The following ZFP3 variants were observed in gnomAD, a reference collection of about 807,000 sequenced individuals.
ZFP3 encodes the protein zinc finger protein 3 homolog.
ZFP3 carries 18 observed loss-of-function variants against 36.7 expected under a neutral mutation model. The ratio of observed to expected loss-of-function variants is 0.49; its 90% CI spans 0.34 to 0.73. ZFP3 has a LOEUF of 0.73. Among genes scored for constraint, ZFP3 ranks in the 30% least tolerant of loss-of-function variants. The pLI is 0.01. For missense variants in ZFP3, 495 were observed against 599.0 expected (o/e 0.83, Z 1.81); for synonymous variants, 218 against 199.0 (o/e 1.10, Z -0.81).
In ZFP3 at chr17:5,092,459, G is replaced by A. The variant is rs145561376; in HGVS notation, c.955G>A (p.Gly319Arg). The A allele has an allele frequency of 1.1e-4, 180 of 1,613,868 alleles. No individual in the cohort carries two copies. The highest frequency in any genetic ancestry group is 3.1e-4 in the African/African-American group (23 of 74,868). ...YLCNECGKGF[G>R]QSSELIRHQR... ...GTGTAATGAATGTGGGAAGGGCTTCGGGCAGAGTTCTGAGCTTATCCGGCA... is the reference window on the plus strand; with the variant it reads ...GTGTAATGAATGTGGGAAGGGCTTCAGGCAGAGTTCTGAGCTTATCCGGCA... Residue 319 changes from glycine to arginine, a missense_variant, in exon 2 of 2, where the codon GGG becomes AGG. This residue lies in a region of ZFP3 where 103 missense variants were observed against 186.8 expected (regional missense o/e 0.55). Transcript: ENST00000318833. This position sits in a 1 kb window ranked among gnomAD's most constrained non-coding sequence, Gnocchi z 5.0.
chr17:5,086,026 T>C (rs1334899098), intron 1 of ZFP3, among the ~76,000 whole-genome samples: 3 of 152,250 alleles, frequency 2.0e-5, no homozygotes, highest in Non-Finnish European at 1.5e-5. Flanking sequence ...CAATGGATTC[T>C]TACAATTGTA....
intron 1 of ZFP3, among the ~76,000 whole-genome samples, chr17:5,087,077 A>ATTTTTTTTT (rs35379036): frequency 3.9e-5 from 4 of 101,568 alleles, no homozygotes; most frequent in African/African-American, 7.8e-5. Context: ...ACTGCATTTG[A>ATTTTTTTTT]TTTTTTTTTT....
rs1004687637 is a variant in ZFP3, at chr17:5,078,929, G to A, written c.-9+354G>A. On this transcript the variant is annotated intron_variant, in intron 1 of 1. Coordinates refer to ENST00000318833, the MANE Select transcript of ZFP3 (RefSeq NM_153018.3). The surrounding 1 kb of genome is among the most constrained non-coding windows in gnomAD (Gnocchi z 4.5). ...AAGTAAACCGCTAGGACGAAATGGC[G>A]GGCAGTGTCACAAACTTAACGCCCT... is the stretch of plus-strand genomic sequence containing the variant. Among the ~76,000 whole-genome samples the A allele has an allele frequency of 1.3e-5, 2 of 152,158 alleles. No individual in the cohort carries two copies. The highest frequency in any genetic ancestry group is 2.9e-5 in the Non-Finnish European group (2 of 68,038).
chr17:5,081,886 C>A (rs1214021289), intron 1 of ZFP3, among the ~76,000 whole-genome samples: 3 of 142,926 alleles, frequency 2.1e-5, no homozygotes, highest in African/African-American at 5.0e-5. Context: ...CAGGCGTGAG[C>A]CACCACGCCT....
chr17:5,082,392 C>T (rs2072098606), intron 1 of ZFP3, among the ~76,000 whole-genome samples: 1 of 152,094 alleles, frequency 6.6e-6, no homozygotes, highest in Non-Finnish European at 1.5e-5. Context: ...ACCACTCACG[C>T]ATCTCCTTAA....
In ZFP3 at chr17:5,093,433, C is replaced by T. The variant is rs2072161735; in HGVS notation, c.*420C>T. ...CCCCTCTGTCCTTCCTTCCCCTTCT[C>T]CTCCCCCAGTGGATCACATAACAAA... On this transcript the variant is annotated 3_prime_UTR_variant, in exon 2 of 2. Coordinates refer to ENST00000318833, the MANE Select transcript of ZFP3 (RefSeq NM_153018.3). 5.7e-6 allele frequency: 1 copy of T among 175,942 alleles called. No homozygotes were observed. The highest frequency in any genetic ancestry group is 2.4e-5 in the African/African-American group (1 of 41,624). The allele number at this position is 175,942 out of a possible 1,614,324, so 10.9% of individuals were successfully genotyped here.
In ZFP3 at chr17:5,095,761, C is replaced by G. The variant is rs2072177913; in HGVS notation, c.*2748C>G. 1 of 165,786 alleles carries G rather than the reference C, an allele frequency of 6.0e-6. No homozygotes were observed. The highest frequency in any genetic ancestry group is 6.7e-5 in the Admixed American group (1 of 15,020). 10.3% of individuals were successfully genotyped at this position (165,786 alleles called of 1,614,324 possible). A position where few individuals can be genotyped will look rare whatever the true frequency, so the allele number is the denominator to read the frequency against. Reference sequence around the variant, plus strand: ...TGCCTACTAGATATCCAATCCATCACCTCGCCTCCCCTGGCCCTAGCTCAA... The same window carrying G: ...TGCCTACTAGATATCCAATCCATCAGCTCGCCTCCCCTGGCCCTAGCTCAA... On this transcript the variant is annotated 3_prime_UTR_variant, in exon 2 of 2. Transcript: ENST00000318833.
At chr17:5,082,192 A>C (rs1011914771) in intron 1 of ZFP3, among the ~76,000 whole-genome samples, 3 of 151,702 alleles carry the variant, frequency 2.0e-5, no homozygotes, top group Admixed American at 1.3e-4. Flanking sequence ...CTAAAAATAT[A>C]AAAAATTAGC....
intron 1 of ZFP3, among the ~76,000 whole-genome samples, chr17:5,088,772 C>CACT (rs2143528663): frequency 6.6e-6 from 1 of 152,270 alleles, no homozygotes; most frequent in Admixed American, 6.5e-5. Context: ...CTACTTCAGC[C>CACT]ACTAAACGAC....
rs1259343916 is a variant in ZFP3 at position 5,091,935 on chromosome 17, A to G, written c.431A>G (p.Lys144Arg). The change falls in exon 2 of 2, where the codon AAA becomes AGA. Residue 144 changes from lysine to arginine, a missense_variant. Lys to Arg is a conservative substitution (Grantham distance 26). Around this residue, in one of 3 missense-constraint regions of ZFP3, gnomAD observed 229 missense variants for 233.8 expected, o/e 0.98. Coordinates refer to ENST00000318833, the MANE Select transcript of ZFP3 (RefSeq NM_153018.3). ...SSVGEKPHTC[K>R]ECGKAFNQNS... ...GTGGGAGAAAAGCCTCATACATGTAAAGAATGTGGGAAAGCCTTTAATCAG... is the reference window on the plus strand; with the variant it reads ...GTGGGAGAAAAGCCTCATACATGTAGAGAATGTGGGAAAGCCTTTAATCAG... 1.9e-6 allele frequency: 3 copies of G among 1,614,204 alleles called. No homozygotes were observed. Among genetic ancestry groups the G allele is most frequent in the Non-Finnish European group, 2.5e-6 (3 of 1,180,028 alleles).
rs781645576 is a variant in ZFP3 at position 5,092,407 on chromosome 17, A to G, written c.903A>G (p.Lys301=). 8 of 1,614,196 alleles carry G rather than the reference A, an allele frequency of 5.0e-6. No individual in the cohort carries two copies. The highest frequency in any genetic ancestry group is 6.8e-6 in the Non-Finnish European group (8 of 1,180,032). Residue 301 remains lysine (K), a synonymous_variant, in exon 2 of 2, where the codon AAA becomes AAG. Transcript: ENST00000318833. This position sits in a 1 kb window ranked among gnomAD's most constrained non-coding sequence, Gnocchi z 5.0. ...GCTCAGGCCTTATTAGACACCAGAA[A>G]ATTCATACTGGAGAAAAACCATATC... ...KHSSGLIRHQ[K]IHTGEKPYLC...
intron 1 of ZFP3, among the ~76,000 whole-genome samples, chr17:5,080,868 C>T (rs2072089580): frequency 6.6e-6 from 1 of 152,134 alleles, no homozygotes; most frequent in Non-Finnish European, 1.5e-5. Context: ...TGAAAGAAGT[C>T]AGGAGAGCAT....
chr17:5,082,903 G>A (rs1489827060), intron 1 of ZFP3, among the ~76,000 whole-genome samples: 2 of 152,166 alleles, frequency 1.3e-5, no homozygotes, highest in Non-Finnish European at 2.9e-5. Flanking sequence ...ATCACTGTGT[G>A]GCTTTTTGGC....
At chr17:5,090,556 T>C (rs1395390198) in intron 1 of ZFP3, among the ~76,000 whole-genome samples, 1 of 152,168 alleles carries the variant, frequency 6.6e-6, no homozygotes, top group Admixed American at 6.5e-5. Flanking sequence ...CTATGTCCCC[T>C]CTCCTGCTCT....
At chr17:5,086,758 C>T (rs1227204030) in intron 1 of ZFP3, among the ~76,000 whole-genome samples, 1 of 135,766 alleles carries the variant, frequency 7.4e-6, no homozygotes, top group African/African-American at 2.8e-5. Context: ...GACGGAGTCT[C>T]GCTCTGTCAC....
In ZFP3 at chr17:5,085,615, A is replaced by G. The variant is rs561144815; in HGVS notation, c.-8-5882A>G. ...GATCTCCTGACCTCGTGATCTGCCC[A>G]CCTCGGCCTTCCAAAGTGCTGGGAT... On this transcript the variant is annotated intron_variant, in intron 1 of 1. Coordinates refer to ENST00000318833, the MANE Select transcript of ZFP3 (RefSeq NM_153018.3). Among the ~76,000 whole-genome samples the G allele has an allele frequency of 2.0e-5, 3 of 151,670 alleles. No individual in the cohort carries two copies. The South Asian group carries it at 6.3e-4, about 32-fold the overall frequency.
Position 5,096,186 on chromosome 17 carries a change from G to C in ZFP3, c.*3173G>C, listed in dbSNP as rs1182762326. ...GCAAATACTATCAAGGAAAGGACAT[G>C]AATTGTCTTAATTTTAGACCCATTA... On this transcript the variant is annotated 3_prime_UTR_variant, in exon 2 of 2. Transcript: ENST00000318833. The C allele has an allele frequency of 6.0e-6, 1 of 166,950 alleles. No homozygotes were observed. Among genetic ancestry groups the C allele is most frequent in the Non-Finnish European group, 1.5e-5 (1 of 68,106 alleles). 10.3% of individuals were successfully genotyped at this position (166,950 alleles called of 1,614,324 possible).
At chr17:5,086,724 C>CTT (rs5819008) in intron 1 of ZFP3, among the ~76,000 whole-genome samples, 235 of 110,626 alleles carry the variant, frequency 2.1e-3, no homozygotes, top group Non-Finnish European at 2.6e-3. Flanking sequence ...CATTTTCTTT[C>CTT]TTTTTTTTTT....
In ZFP3 at chr17:5,094,465, AGT is replaced by A. The variant is rs2072169361; in HGVS notation, c.*1454_*1455del. On this transcript the variant is annotated 3_prime_UTR_variant, in exon 2 of 2. Coordinates refer to ENST00000318833, the MANE Select transcript of ZFP3 (RefSeq NM_153018.3). ...CCATGTTTCTGAGGCCGTGGGTGAC[AGT>A]GGGAATTGCACTAATGGGGGCCCAA... is the stretch of plus-strand genomic sequence containing the variant. The A allele has an allele frequency of 6.0e-6, 1 of 167,090 alleles. No individual in the cohort carries two copies. 10.4% of individuals were successfully genotyped at this position (167,090 alleles called of 1,614,324 possible). A position where few individuals can be genotyped will look rare whatever the true frequency, so the allele number is the denominator to read the frequency against.
Sources: allele counts gnomAD v4.1 joint callset (sites outside exome capture counted in the v4.1 genomes callset), GRCh38; gene constraint gnomAD v4.1.1; regional missense constraint gnomAD v4.1.1; non-coding constraint Gnocchi (gnomAD v3.1); transcripts MANE v1.5; gene names NCBI Gene and HGNC (gene_info 2026-07-23, HGNC 2026-07-21).